The following FSTL4 variants were observed in gnomAD, a reference collection of about 807,000 sequenced individuals.
FSTL4 encodes the protein follistatin like 4.
FSTL4 carries 28 observed loss-of-function variants against 78.2 expected under a neutral mutation model. The observed-to-expected ratio is 0.36, with a 90% confidence interval of 0.27 to 0.49. FSTL4 has a LOEUF of 0.49. FSTL4 is among the 20% of genes least tolerant of loss of function. The pLI, the probability that FSTL4 is intolerant of heterozygous loss-of-function variation, is 0.98. For synonymous variants in FSTL4, 422 were observed against 440.5 expected (o/e 0.96, Z 0.53); for missense variants, 922 against 1,084.9 (o/e 0.85, Z 2.11).
chr5:133,417,820 G>A (rs977506459), intron 3 of FSTL4, among the ~76,000 whole-genome samples: 6 of 151,812 alleles, frequency 4.0e-5, no homozygotes, highest in Admixed American at 3.9e-4. Context: ...TTAGCCAGGC[G>A]TGGTGGTGCA....
the FSTL4 span, among the ~76,000 whole-genome samples, chr5:133,701,735 T>C: frequency 1.3e-5 from 2 of 152,184 alleles, no homozygotes; most frequent in East Asian, 1.9e-4. Flanking sequence ...ACAAAAAGCA[T>C]AGGGTTCCTT....
chr5:133,725,896 C>G, the FSTL4 span, among the ~76,000 whole-genome samples: 2 of 152,158 alleles, frequency 1.3e-5, no homozygotes, highest in African/African-American at 4.8e-5. Context: ...GGGTCTGGAT[C>G]AGGAATTCTG....
At chr5:133,798,514 A>G in the FSTL4 span, among the ~76,000 whole-genome samples, 2 of 139,772 alleles carry the variant, frequency 1.4e-5, no homozygotes, top group African/African-American at 5.4e-5. Context: ...TTAGAAAAAA[A>G]AACTTAAAAA....
At chr5:133,562,872 G>C (rs999174791) in intron 3 of FSTL4, among the ~76,000 whole-genome samples, 1 of 152,212 alleles carries the variant, frequency 6.6e-6, no homozygotes, top group African/African-American at 2.4e-5. Context: ...GGAACAGTCA[G>C]AGAAAAGTAC....
intron 3 of FSTL4, among the ~76,000 whole-genome samples, chr5:133,458,639 T>C (rs1359617336): frequency 6.6e-6 from 1 of 152,206 alleles, no homozygotes; most frequent in African/African-American, 2.4e-5. Flanking sequence ...CTGGGTCCCA[T>C]CTGTGGACTG....
chr5:133,209,237 A>G (rs542291222), intron 14 of FSTL4, among the ~76,000 whole-genome samples: 50 of 152,236 alleles, frequency 3.3e-4, no homozygotes, highest in African/African-American at 1.2e-3. Context: ...GAGTATAGAA[A>G]CTGAAGTTGT....
At chr5:133,507,002 G>A (rs1758623992) in intron 3 of FSTL4, among the ~76,000 whole-genome samples, 1 of 152,186 alleles carries the variant, frequency 6.6e-6, no homozygotes, top group Admixed American at 6.5e-5. Context: ...GAGGTCAGGA[G>A]TTCCAGACCA....
chr5:133,423,942 G>A (rs29546), intron 3 of FSTL4, among the ~76,000 whole-genome samples: 65,336 of 152,022 alleles, frequency 0.43, 14,669 homozygotes, highest in African/African-American at 0.56. Flanking sequence ...AGCCCAGCAT[G>A]GAGCTGAGGA....
At chr5:133,471,321 C>A (rs1757823116) in intron 3 of FSTL4, among the ~76,000 whole-genome samples, 1 of 152,204 alleles carries the variant, frequency 6.6e-6, no homozygotes. Flanking sequence ...CTTCTACTCT[C>A]ATGAACCTTA....
At chr5:133,255,127 C>T (rs560200279) in intron 6 of FSTL4, among the ~76,000 whole-genome samples, 25 of 152,296 alleles carry the variant, frequency 1.6e-4, no homozygotes, top group Non-Finnish European at 2.9e-5. Flanking sequence ...GACGACCAAA[C>T]GTGATATGCC....
intron 4 of FSTL4, among the ~76,000 whole-genome samples, chr5:133,396,492 C>T (rs1224456192): frequency 6.6e-6 from 1 of 152,192 alleles, no homozygotes; most frequent in Non-Finnish European, 1.5e-5. Context: ...CACTAAATCC[C>T]CTATCAATGC....
intron 15 of FSTL4, 104 bp downstream of exon 15, chr5:133,201,829 G>A (rs994022839): frequency 1.5e-6 from 1 of 648,644 alleles, no homozygotes; most frequent in Non-Finnish European, 2.7e-6. Context: ...GCATGGGAGT[G>A]GAGGAGACAG....
chr5:133,748,290 C>G, the FSTL4 span, among the ~76,000 whole-genome samples: 2 of 152,042 alleles, frequency 1.3e-5, no homozygotes, highest in Admixed American at 6.5e-5. Flanking sequence ...CATAGAGAGG[C>G]CAGGTGTGGT....
chr5:133,624,481 G>A, the FSTL4 span, among the ~76,000 whole-genome samples: 1 of 151,754 alleles, frequency 6.6e-6, no homozygotes, highest in Non-Finnish European at 1.5e-5. Flanking sequence ...TTTATTTTGG[G>A]GTAATGAAAA....
chr5:133,684,351 G>C, the FSTL4 span, among the ~76,000 whole-genome samples: 1 of 152,284 alleles, frequency 6.6e-6, no homozygotes, highest in East Asian at 1.9e-4. Flanking sequence ...GCACCCGTGA[G>C]ACTCCAGCCT....
chr5:133,629,318 C>T, the FSTL4 span, among the ~76,000 whole-genome samples: 1 of 152,222 alleles, frequency 6.6e-6, no homozygotes, highest in East Asian at 1.9e-4. Flanking sequence ...GGGGATATCA[C>T]CACTATTCCC....
At chr5:133,804,315 C>T in the FSTL4 span, among the ~76,000 whole-genome samples, 1 of 152,162 alleles carries the variant, frequency 6.6e-6, no homozygotes, top group Non-Finnish European at 1.5e-5. Context: ...GTCCTCAGGG[C>T]CTGCCACGAT....
chr5:133,232,617 T>C (rs1467121473), intron 8 of FSTL4, among the ~76,000 whole-genome samples: 2 of 152,152 alleles, frequency 1.3e-5, no homozygotes, highest in African/African-American at 2.4e-5. Context: ...TCAGACGAGG[T>C]TGAGGCAGCC....
the FSTL4 span, among the ~76,000 whole-genome samples, chr5:133,810,896 A>T: frequency 6.6e-6 from 1 of 152,344 alleles, no homozygotes; most frequent in East Asian, 1.9e-4. Flanking sequence ...AACTGCTGGC[A>T]TTCACCTGCG....
Sources: gnomAD v4.1 joint callset for allele counts (sites outside exome capture counted in the v4.1 genomes callset) on GRCh38, gnomAD v4.1.1 for gene constraint, MANE v1.5 for transcripts, NCBI Gene and HGNC (gene_info 2026-07-23, HGNC 2026-07-21) for gene names.